The following UNC13C variants were observed in gnomAD, a reference collection of about 807,000 sequenced individuals.
UNC13C encodes protein unc-13 homolog C.
UNC13C carries 174 observed loss-of-function variants against 245.4 expected under a neutral mutation model. That is an observed-to-expected ratio of 0.71 (90% CI 0.63 to 0.80). The LOEUF (loss-of-function observed/expected upper bound fraction) is 0.80. Among genes scored for constraint, UNC13C ranks in the 30% least tolerant of loss-of-function variants. The pLI is 0.00. For synonymous variants in UNC13C, 992 were observed against 895.1 expected, an observed-to-expected ratio of 1.11 and a Z score of -1.93; for missense variants, 2,829 against 2,602.9, an observed-to-expected ratio of 1.09 and a Z score of -1.89.
At chr15:54,355,113 C>T (rs920049029) in intron 17 of UNC13C, among the ~76,000 whole-genome samples, 12 of 152,122 alleles carry the variant, frequency 7.9e-5, no homozygotes, top group African/African-American at 2.7e-4. Flanking sequence ...AAGGCCTTCA[C>T]CAGATGTTGC....
intron 4 of UNC13C, among the ~76,000 whole-genome samples, chr15:54,216,649 A>T (rs962542512): frequency 6.6e-6 from 1 of 151,952 alleles, no homozygotes; most frequent in Non-Finnish European, 1.5e-5. Flanking sequence ...AAAGGAAAAC[A>T]TTTAAAAATG....
At chr15:54,051,616 G>A (rs192323233) in intron 2 of UNC13C, among the ~76,000 whole-genome samples, 77 of 151,730 alleles carry the variant, frequency 5.1e-4, no homozygotes, top group East Asian at 1.7e-3. Context: ...ACTTCATTCC[G>A]TATGTTTCTG....
chr15:54,204,763 A>G (rs926252185), intron 4 of UNC13C, among the ~76,000 whole-genome samples: 1 of 152,018 alleles, frequency 6.6e-6, no homozygotes, highest in African/African-American at 2.4e-5. Context: ...AAGAATTATT[A>G]TCACAAAATT....
chr15:54,306,289 C>T (rs998762052), intron 13 of UNC13C, among the ~76,000 whole-genome samples: 1 of 151,940 alleles, frequency 6.6e-6, no homozygotes, highest in Non-Finnish European at 1.5e-5. Flanking sequence ...TACAATTTTC[C>T]TGTTTGGACA....
At chr15:54,550,741 G>C (rs1479167933) in intron 28 of UNC13C, among the ~76,000 whole-genome samples, 1 of 152,138 alleles carries the variant, frequency 6.6e-6, no homozygotes, top group Non-Finnish European at 1.5e-5. Flanking sequence ...ATAAAAGGTA[G>C]ATGTCACTGC....
chr15:53,845,935 C>G, the UNC13C span, among the ~76,000 whole-genome samples: 2 of 152,004 alleles, frequency 1.3e-5, no homozygotes, highest in Non-Finnish European at 2.9e-5. Flanking sequence ...CTTTACAATG[C>G]TACAAAAGCC....
chr15:54,282,615 T>C (rs1031613869), intron 10 of UNC13C, among the ~76,000 whole-genome samples: 17 of 152,306 alleles, frequency 1.1e-4, no homozygotes, highest in African/African-American at 3.8e-4. Context: ...AGCAGCTCAG[T>C]TGGCCCCTTG....
At chr15:54,549,455 A>G (rs1448023420) in intron 27 of UNC13C, among the ~76,000 whole-genome samples, 180 bp from the exon 28 acceptor site, 2 of 152,166 alleles carry the variant, frequency 1.3e-5, no homozygotes, top group African/African-American at 4.8e-5. Context: ...GGACTGTTAT[A>G]CTGCCAGCGG....
intron 22 of UNC13C, among the ~76,000 whole-genome samples, chr15:54,502,409 C>T (rs1405743012): frequency 3.3e-5 from 5 of 152,088 alleles, no homozygotes; most frequent in Admixed American, 2.0e-4. Flanking sequence ...CTGATCTCAT[C>T]TTCATTAATT....
At chr15:54,500,371 AT>A (rs1385685233) in intron 21 of UNC13C, among the ~76,000 whole-genome samples, 196 bp downstream of exon 21, 3 of 151,404 alleles carry the variant, frequency 2.0e-5, no homozygotes, top group Non-Finnish European at 2.9e-5. Context: ...AAAAAAAAAA[AT>A]CAATCACCCA....
chr15:54,383,787 C>T (rs554239989), intron 17 of UNC13C, among the ~76,000 whole-genome samples: 2 of 152,140 alleles, frequency 1.3e-5, no homozygotes, highest in Non-Finnish European at 2.9e-5. Context: ...CCAGAAAATT[C>T]TTAGAACTTA....
chr15:54,340,976 G>A (rs1023431165), intron 17 of UNC13C, among the ~76,000 whole-genome samples: 1 of 152,080 alleles, frequency 6.6e-6, no homozygotes, highest in Non-Finnish European at 1.5e-5. Context: ...TAAGGCTGCA[G>A]AAAAAAGGGA....
At chr15:54,580,222 G>C (rs1187824354) in intron 30 of UNC13C, among the ~76,000 whole-genome samples, 1 of 152,178 alleles carries the variant, frequency 6.6e-6, no homozygotes, top group East Asian at 1.9e-4. Flanking sequence ...CTCACAACCT[G>C]CACGTGTCCT....
intron 29 of UNC13C, among the ~76,000 whole-genome samples, chr15:54,566,614 C>T (rs1192119325): frequency 1.3e-5 from 2 of 151,966 alleles, no homozygotes; most frequent in East Asian, 1.9e-4. Flanking sequence ...AAGTTTAAAT[C>T]CCATTTGCCT....
chr15:54,155,918 C>T (rs1015190330), intron 4 of UNC13C, among the ~76,000 whole-genome samples: 12 of 152,200 alleles, frequency 7.9e-5, no homozygotes, highest in African/African-American at 2.2e-4. Flanking sequence ...GTAGTATGTC[C>T]GATCATGTGG....
intron 30 of UNC13C, among the ~76,000 whole-genome samples, chr15:54,594,199 T>C (rs1199915756): frequency 1.3e-5 from 2 of 152,154 alleles, no homozygotes; most frequent in Non-Finnish European, 2.9e-5. Context: ...CTCTCAGCCA[T>C]GGATACCAGC....
intron 13 of UNC13C, among the ~76,000 whole-genome samples, chr15:54,316,374 T>C (rs2038009175): frequency 6.6e-6 from 1 of 151,890 alleles, no homozygotes; most frequent in African/African-American, 2.4e-5. Context: ...TGGAATACAT[T>C]CTTTATCCAT....
At chr15:54,387,893 G>A (rs964384555) in intron 17 of UNC13C, among the ~76,000 whole-genome samples, 13 of 152,020 alleles carry the variant, frequency 8.6e-5, no homozygotes, top group Admixed American at 1.3e-4. Context: ...AAACCTTGTT[G>A]CTAAGATCTT....
chr15:54,144,640 C>T (rs2032175427), intron 4 of UNC13C, among the ~76,000 whole-genome samples: 1 of 152,174 alleles, frequency 6.6e-6, no homozygotes, highest in African/African-American at 2.4e-5. Flanking sequence ...GCCTCTGCAA[C>T]TTGCCGTTTT....
Sources: allele counts gnomAD v4.1 joint callset (sites outside exome capture counted in the v4.1 genomes callset), GRCh38; gene constraint gnomAD v4.1.1; transcripts MANE v1.5; gene names NCBI Gene and HGNC (gene_info 2026-07-23, HGNC 2026-07-21).